The following RAB3GAP2 variants were observed in gnomAD, a reference collection of about 807,000 sequenced individuals.
RAB3GAP2 encodes the protein RAB3 GTPase activating non-catalytic protein subunit 2, also known as rab3 GTPase-activating protein non-catalytic subunit.
RAB3GAP2 carries 87 observed loss-of-function variants against 185.3 expected under a neutral mutation model. The observed-to-expected ratio is 0.47, with a 90% CI of 0.39 to 0.56. The LOEUF (loss-of-function observed/expected upper bound fraction) is 0.56. Ranked by LOEUF, RAB3GAP2 falls within the 20% of genes least tolerant of loss-of-function variation. The probability of loss-of-function intolerance (pLI) is 0.00; values close to 1 mark genes in which losing one functional copy is unlikely to be tolerated. For synonymous variants in RAB3GAP2, 554 were observed against 576.1 expected, an observed-to-expected ratio of 0.96 and a Z score of 0.55; for missense variants, 1,492 against 1,638.2, an observed-to-expected ratio of 0.91 and a Z score of 1.54.
At chr1:220,234,983 T>C (rs1659565276) in intron 1 of RAB3GAP2, among the ~76,000 whole-genome samples, 1 of 152,204 alleles carries the variant, frequency 6.6e-6, no homozygotes, top group African/African-American at 2.4e-5. Flanking sequence ...TATTTTACAA[T>C]GAGAAAACAG....
chr1:220,160,381 C>A (rs544581849), intron 28 of RAB3GAP2, among the ~76,000 whole-genome samples: 1 of 152,316 alleles, frequency 6.6e-6, no homozygotes, highest in South Asian at 2.1e-4. Context: ...TCAGCTGACC[C>A]CAGTCCCAAG....
intron 2 of RAB3GAP2, among the ~76,000 whole-genome samples, chr1:220,224,918 A>T (rs942110506): frequency 3.9e-5 from 6 of 152,264 alleles, no homozygotes; most frequent in African/African-American, 1.4e-4. Context: ...TAAAAGCAGG[A>T]GGCTTGGTTG....
Position 220,213,313 on chromosome 1 carries a change from C to T in RAB3GAP2, c.305-345G>A, listed in dbSNP as rs1047113593. Among the ~76,000 whole-genome samples, 15 of 152,144 alleles carry T rather than the reference C, an allele frequency of 9.9e-5. No individual in the cohort carries two copies. The East Asian group carries it at 2.1e-3, about 22-fold the overall frequency. On this transcript the variant is annotated intron_variant, in intron 3 of 34. Coordinates refer to ENST00000358951, the MANE Select transcript of RAB3GAP2 (RefSeq NM_012414.4). Reference sequence around the variant, plus strand: ...AGAAAATTTTTCTACTAGATCTTTGCTACTTGAGGGTAACTTTGCTTTGTA... The same window carrying T: ...AGAAAATTTTTCTACTAGATCTTTGTTACTTGAGGGTAACTTTGCTTTGTA...
chr1:220,209,089 C>T (rs947863042), intron 7 of RAB3GAP2, among the ~76,000 whole-genome samples: 2 of 151,978 alleles, frequency 1.3e-5, no homozygotes, highest in Non-Finnish European at 2.9e-5. Context: ...ACCCAGCACT[C>T]CACATCTGTT....
intron 27 of RAB3GAP2, among the ~76,000 whole-genome samples, chr1:220,162,895 T>C (rs548179919): frequency 3.1e-4 from 47 of 152,186 alleles, no homozygotes; most frequent in African/African-American, 1.1e-3. Flanking sequence ...TATGTAGTTA[T>C]ATAAAAAAGT....
At chr1:220,210,633 G>A in intron 6 of RAB3GAP2, 144 bp from the exon 7 acceptor site, 1 of 966,658 alleles carries the variant, frequency 1.0e-6, no homozygotes, top group Non-Finnish European at 1.6e-6. Flanking sequence ...CCTCTTCTCT[G>A]TATCTTCTAC....
At chr1:220,176,256 C>T (rs1385620981) in intron 21 of RAB3GAP2, among the ~76,000 whole-genome samples, 1 of 152,104 alleles carries the variant, frequency 6.6e-6, no homozygotes, top group African/African-American at 2.4e-5. Context: ...AAAATATTAA[C>T]TGTTATCTCA....
rs562395149 is a variant in RAB3GAP2 at position 220,181,774 on chromosome 1, G to T, written c.2310+483C>A. On this transcript the variant is annotated intron_variant, in intron 21 of 34. Transcript: ENST00000358951. Reference sequence around the variant, plus strand: ...TTAACATTTACAGAAAATTGGCCAGGCATGGTGGTTCTTGTCTGTAATCCA... The same window carrying T: ...TTAACATTTACAGAAAATTGGCCAGTCATGGTGGTTCTTGTCTGTAATCCA... Among the ~76,000 whole-genome samples the T allele has an allele frequency of 1.1e-4, 17 of 152,230 alleles. No individual in the cohort carries two copies. The South Asian group carries it at 3.5e-3, about 32-fold the overall frequency.
chr1:220,214,050 A>C, intron 2 of RAB3GAP2, 71 bp from the exon 3 acceptor site: 1 of 1,459,050 alleles, frequency 6.9e-7, no homozygotes, highest in Non-Finnish European at 9.6e-7. Flanking sequence ...TGCCTGTCTC[A>C]AGGGGTGAGA....
chr1:220,186,839 GAAGA>G (rs1658515977), intron 17 of RAB3GAP2, among the ~76,000 whole-genome samples: 2 of 152,172 alleles, frequency 1.3e-5, no homozygotes, highest in African/African-American at 2.4e-5. Context: ...TTTAGGATAA[GAAGA>G]AAGATGGCAT....
intron 21 of RAB3GAP2, among the ~76,000 whole-genome samples, chr1:220,175,489 T>C (rs2577128): frequency 0.92 from 140,612 of 152,178 alleles, 65,169 homozygotes; most frequent in East Asian, 1. Flanking sequence ...AGTGCTGGGA[T>C]TACAGGCGTG....
Position 220,157,880 on chromosome 1 carries a change from T to A in RAB3GAP2, c.3262-4A>T. The A allele has an allele frequency of 3.1e-6, 5 of 1,611,876 alleles. No individual in the cohort carries two copies. Among genetic ancestry groups the A allele is most frequent in the Non-Finnish European group, 4.2e-6 (5 of 1,178,214 alleles). ...CTGTGTCACTCATTCCCACATCCTG[T>A]TTTTTAAAAAGGAACGTAATTAGGC... On this transcript the variant is annotated splice_region_variant and splice_polypyrimidine_tract_variant and intron_variant, in intron 29 of 34. Transcript: ENST00000358951.
At chr1:220,218,588 G>A (rs955617425) in intron 2 of RAB3GAP2, among the ~76,000 whole-genome samples, 1 of 152,096 alleles carries the variant, frequency 6.6e-6, no homozygotes, top group Non-Finnish European at 1.5e-5. Flanking sequence ...AGGGCCTGTC[G>A]TGGGGTGTGG....
chr1:220,205,277 A>C (rs1658942230), intron 8 of RAB3GAP2, among the ~76,000 whole-genome samples: 1 of 152,202 alleles, frequency 6.6e-6, no homozygotes. Context: ...GGCAGTTTTC[A>C]TCCCTAAGTC....
chr1:220,204,420 G>T (rs1274977170), intron 8 of RAB3GAP2, among the ~76,000 whole-genome samples: 1 of 151,974 alleles, frequency 6.6e-6, no homozygotes, highest in Non-Finnish European at 1.5e-5. Flanking sequence ...TTTTCCGTAG[G>T]TAAGAAGTCC....
intron 9 of RAB3GAP2, among the ~76,000 whole-genome samples, chr1:220,201,162 T>C (rs900623361): frequency 1.3e-5 from 2 of 152,182 alleles, no homozygotes; most frequent in East Asian, 1.9e-4. Context: ...AGCTCTCTTA[T>C]AGTGGCTGCA....
intron 7 of RAB3GAP2, among the ~76,000 whole-genome samples, chr1:220,207,301 C>T (rs1658986950): frequency 1.3e-5 from 2 of 152,048 alleles, no homozygotes; most frequent in Admixed American, 6.5e-5. Context: ...CTTATATTTC[C>T]ACCAACAATA....
At chr1:220,165,159 A>C (rs1039752162) in intron 26 of RAB3GAP2, among the ~76,000 whole-genome samples, 13 of 149,566 alleles carry the variant, frequency 8.7e-5, no homozygotes, top group African/African-American at 3.2e-4. Context: ...TTCATCATTC[A>C]ACAAATATTT....
chr1:220,183,217 T>A (rs1658445244), intron 19 of RAB3GAP2, among the ~76,000 whole-genome samples: 1 of 152,006 alleles, frequency 6.6e-6, no homozygotes, highest in South Asian at 2.1e-4. Context: ...GGATATTTCT[T>A]GAGGGTACTT....
Sources: allele counts gnomAD v4.1 joint callset (sites outside exome capture counted in the v4.1 genomes callset), GRCh38; gene constraint gnomAD v4.1.1; transcripts MANE v1.5; gene names NCBI Gene and HGNC (gene_info 2026-07-23, HGNC 2026-07-21).